TRIM25: variants seen among roughly 807,000 people sequenced by gnomAD.
The protein encoded by TRIM25 is E3 ubiquitin/ISG15 ligase TRIM25.
TRIM25 carries 45 observed loss-of-function variants against 65.2 expected under a neutral mutation model. The ratio of observed to expected loss-of-function variants is 0.69; its 90% CI spans 0.54 to 0.89. TRIM25 has a LOEUF of 0.89. Among genes scored for constraint, TRIM25 ranks in the 40% least tolerant of loss-of-function variants. The pLI is 0.00. For missense variants in TRIM25, 714 were observed against 803.7 expected, an observed-to-expected ratio of 0.89 and a Z score of 1.35; for synonymous variants, 321 against 340.4, an observed-to-expected ratio of 0.94 and a Z score of 0.63.
chr17:56,903,011 C>A (rs191771606), intron 3 of TRIM25, among the ~76,000 whole-genome samples: 61 of 152,338 alleles, frequency 4.0e-4, no homozygotes, highest in African/African-American at 1.4e-3. Flanking sequence ...AAGCTTCCTT[C>A]CTCACCAAAG....
At chr17:56,901,668 T>C in intron 3 of TRIM25, 90 bp from the exon 4 acceptor site, 1 of 1,512,262 alleles carries the variant, frequency 6.6e-7, no homozygotes, top group Non-Finnish European at 9.0e-7. Context: ...CTCTCCCCTA[T>C]GCCCAAGAGT....
chr17:56,894,395 T>A (rs768063384), intron 8 of TRIM25, among the ~76,000 whole-genome samples: 2 of 152,160 alleles, frequency 1.3e-5, no homozygotes, highest in Non-Finnish European at 2.9e-5. Context: ...ATTATAGGCA[T>A]GTGCCACCAC....
rs1470657299 is a variant in TRIM25 at position 56,913,925 on chromosome 17, C to T, written c.64G>A (p.Glu22Lys). Residue 22 changes from glutamate to lysine, a missense_variant, in exon 1 of 9, where the codon GAG (glutamate) becomes AAG (lysine). Transcript: ENST00000316881. The surrounding 1 kb of genome is among the most constrained non-coding windows in gnomAD (Gnocchi z 6.1). ...TGGCCGCACGGAGTGGTGACCGGCT[C>T]CTTGAAGGGCTCCAGGCAGATGGAG... The part of the protein sequence containing the change: ...SCSICLEPFK[E>K]PVTTPCGHNF... 1.3e-6 allele frequency: 2 copies of T among 1,582,514 alleles called. No homozygotes were observed. The highest frequency in any genetic ancestry group is 1.7e-6 in the Non-Finnish European group (2 of 1,165,072).
chr17:56,895,853 T>A (rs1909282074), intron 6 of TRIM25, 73 bp downstream of exon 6: 2 of 1,568,994 alleles, frequency 1.3e-6, no homozygotes, highest in Non-Finnish European at 1.7e-6. Flanking sequence ...AGAGGTCGAC[T>A]CTCACTACCA....
intron 1 of TRIM25, among the ~76,000 whole-genome samples, chr17:56,910,948 G>A (rs1909615751): frequency 6.6e-6 from 1 of 152,212 alleles, no homozygotes; most frequent in African/African-American, 2.4e-5. Flanking sequence ...TGTTGGCAGA[G>A]GAAGGCCTGT....
chr17:56,895,441 G>T lies in TRIM25; in HGVS notation c.1265C>A (p.Ala422Asp). The change falls in exon 8 of 9, where the codon GCT becomes GAT. Residue 422 changes from alanine to aspartate, a missense_variant and splice_region_variant. Ala to Asp is a moderately radical substitution (Grantham distance 126, BLOSUM62 -2). Around this residue, in one of 3 missense-constraint regions of TRIM25, gnomAD observed 413 missense variants for 498.2 expected, o/e 0.83. Transcript: ENST00000316881. ...ATGTGAGCTGGTGGCTTTGGCTGCA[G>T]CTGGGAGAGGAAACAGAGAGTGATT... is the stretch of plus-strand genomic sequence containing the variant. ...LVDLKQAGLE[A>D]AAKATSSHPN... 8 of 1,614,190 alleles carry T rather than the reference G, an allele frequency of 5.0e-6. No homozygotes were observed. Among genetic ancestry groups the T allele is most frequent in the Non-Finnish European group, 6.8e-6 (8 of 1,180,022 alleles).
chr17:56,888,068 A>C lies in TRIM25; in HGVS notation c.*3632T>G, dbSNP rs1909091984. ...CTGCCGGCATAGCCACAGCTTCACC[A>C]CCCAGGAAGCTATGCTGAGCTTTAG... On this transcript the variant is annotated 3_prime_UTR_variant, in exon 9 of 9. Transcript: ENST00000316881. 6.6e-6 allele frequency: 1 copy of C among 152,242 alleles called. No individual in the cohort carries two copies. Among genetic ancestry groups the C allele is most frequent in the African/African-American group, 2.4e-5 (1 of 41,410 alleles). 9.4% of individuals were successfully genotyped at this position (152,242 alleles called of 1,614,324 possible).
At chr17:56,909,365 CT>C (rs1408347429) in intron 1 of TRIM25, among the ~76,000 whole-genome samples, 1 of 152,112 alleles carries the variant, frequency 6.6e-6, no homozygotes, top group Non-Finnish European at 1.5e-5. Context: ...TCACTGCAGA[CT>C]GGGACCACCA....
In TRIM25 at chr17:56,901,492, G is replaced by T. The variant is rs772839899; in HGVS notation, c.1014C>A (p.His338Gln). The T allele has an allele frequency of 6.2e-7, 1 of 1,614,184 alleles. No individual in the cohort carries two copies. Among genetic ancestry groups the T allele is most frequent in the South Asian group, 1.1e-5 (1 of 91,080 alleles). The change falls in exon 4 of 9, where the codon CAC becomes CAA. Residue 338 changes from histidine (H) to glutamine (Q), a missense_variant. Physicochemically the swap from His to Gln is conservative, Grantham distance 24. Coordinates refer to ENST00000316881, the MANE Select transcript of TRIM25 (RefSeq NM_005082.5). ...ELNHKLIKGI[H>Q]QSTIDLKNEL... ...CGTTTTTGAGGTCTATGGTGCTCTGGTGGATGCCTTTTATCAGCTTGTGGT... is the reference window on the plus strand; with the variant it reads ...CGTTTTTGAGGTCTATGGTGCTCTGTTGGATGCCTTTTATCAGCTTGTGGT...
rs1428932685 is a variant in TRIM25 at position 56,888,943 on chromosome 17, T to C, written c.*2757A>G. 1 of 152,188 alleles carries C rather than the reference T, an allele frequency of 6.6e-6. No homozygotes were observed. Among genetic ancestry groups the C allele is most frequent in the South Asian group, 2.1e-4 (1 of 4,830 alleles). 9.4% of individuals were successfully genotyped at this position (152,188 alleles called of 1,614,324 possible). ...GAACGCCAAACACCGCTTTATTGCATTCAAACCTTCTAAGGCACGTCAGCC... is the reference window on the plus strand; with the variant it reads ...GAACGCCAAACACCGCTTTATTGCACTCAAACCTTCTAAGGCACGTCAGCC... On this transcript the variant is annotated 3_prime_UTR_variant, in exon 9 of 9. Coordinates refer to ENST00000316881, the MANE Select transcript of TRIM25 (RefSeq NM_005082.5).
chr17:56,899,180 C>G lies in TRIM25; in HGVS notation c.1088G>C (p.Gly363Ala). The change falls in exon 5 of 9, where the codon GGT (glycine) becomes GCT (alanine). Residue 363 changes from glycine to alanine, a missense_variant and splice_region_variant. Around this residue, in one of 3 missense-constraint regions of TRIM25, gnomAD observed 413 missense variants for 498.2 expected, o/e 0.83. Coordinates refer to ENST00000316881, the MANE Select transcript of TRIM25 (RefSeq NM_005082.5). ...CGCTGGGTCATGCTCTCCAGGGTCA[C>G]CTGTGTCAGAGAAGAAGGGCTCAGT... The part of the protein sequence containing the change: ...GRLQEPTPSS[G>A]DPGEHDPAST... The G allele has an allele frequency of 1.2e-6, 2 of 1,614,170 alleles. No individual in the cohort carries two copies. Among genetic ancestry groups the G allele is most frequent in the Non-Finnish European group, 1.7e-6 (2 of 1,180,014 alleles).
chr17:56,901,625 G>A, intron 3 of TRIM25, 47 bp from the exon 4 acceptor site: 1 of 1,609,182 alleles, frequency 6.2e-7, no homozygotes, highest in South Asian at 1.1e-5. Context: ...GTGAAACGGG[G>A]ACCTGGGCTC....
intron 8 of TRIM25, 141 bp from the exon 9 acceptor site, chr17:56,892,370 TATCC>T (rs2144347166): frequency 1.2e-6 from 1 of 864,502 alleles, no homozygotes; most frequent in South Asian, 1.8e-5. Flanking sequence ...TCCACTCATC[TATCC>T]ATCTGTCTGT....
rs575660741 is a variant in TRIM25, at chr17:56,911,147, T to C, written c.597+2245A>G. 4.6e-5 allele frequency among the ~76,000 whole-genome samples: 7 copies of C among 152,220 alleles called. No homozygotes were observed. In the East Asian group the frequency reaches 1.4e-3, roughly 29 times the overall value. On this transcript the variant is annotated intron_variant, in intron 1 of 8. Transcript: ENST00000316881. ...AGCTGGGTGTGGTGGTGCGTGCTTG[T>C]AGTCCTAGCTACTCAGGAGGCTGAG...
At chr17:56,899,949 C>A (rs1347244939) in intron 4 of TRIM25, among the ~76,000 whole-genome samples, 1 of 152,216 alleles carries the variant, frequency 6.6e-6, no homozygotes, top group Non-Finnish European at 1.5e-5. Context: ...CCCGGTGGCT[C>A]ACGCCTGTAA....
chr17:56,897,574 A>C (rs1318247526), intron 5 of TRIM25, among the ~76,000 whole-genome samples: 1 of 151,342 alleles, frequency 6.6e-6, no homozygotes, highest in Non-Finnish European at 1.5e-5. Flanking sequence ...CTCATCACCT[A>C]CCCTTAGACA....
Position 56,893,551 on chromosome 17 carries a change from G to C in TRIM25, c.1364-1322C>G, listed in dbSNP as rs565235854. Among the ~76,000 whole-genome samples the C allele has an allele frequency of 4.6e-5, 7 of 152,366 alleles. No homozygotes were observed. The South Asian group carries it at 1.5e-3, about 32-fold the overall frequency. ...CACCAAGCCTGCTGCAGCTGCTTATGATAAAGGAAGGGCTATATTTTTCAG... is the reference window on the plus strand; with the variant it reads ...CACCAAGCCTGCTGCAGCTGCTTATCATAAAGGAAGGGCTATATTTTTCAG... On this transcript the variant is annotated intron_variant, in intron 8 of 8. Coordinates refer to ENST00000316881, the MANE Select transcript of TRIM25 (RefSeq NM_005082.5).
chr17:56,905,968 G>A (rs939289609), intron 2 of TRIM25, among the ~76,000 whole-genome samples: 1 of 152,040 alleles, frequency 6.6e-6, no homozygotes, highest in African/African-American at 2.4e-5. Context: ...TCCTAAAAAA[G>A]ATAGATAAAT....
At chr17:56,895,728 G>A (rs1382112278) in intron 6 of TRIM25, 124 bp from the exon 7 acceptor site, 3 of 1,249,434 alleles carry the variant, frequency 2.4e-6, no homozygotes, top group Non-Finnish European at 2.2e-6. Context: ...GGGGAAAACA[G>A]ACAAGGCTAA....
Sources: gnomAD v4.1 joint callset for allele counts (sites outside exome capture counted in the v4.1 genomes callset) on GRCh38, gnomAD v4.1.1 for gene constraint, gnomAD v4.1.1 regional missense constraint, Gnocchi (gnomAD v3.1) non-coding constraint, MANE v1.5 for transcripts, NCBI Gene and HGNC (gene_info 2026-07-23, HGNC 2026-07-21) for gene names.